Variants in PKHD1 observed in about 807,000 individuals in gnomAD.
PKHD1 encodes fibrocystin.
PKHD1 carries 291 observed loss-of-function variants against 412.0 expected under a neutral mutation model. The ratio of observed to expected loss-of-function variants is 0.71; its 90% CI spans 0.64 to 0.78. The LOEUF (loss-of-function observed/expected upper bound fraction) is 0.78, where lower values mean the gene tolerates loss of function less well. PKHD1 is among the 30% of genes least tolerant of loss of function. The pLI, the probability that PKHD1 is intolerant of heterozygous loss-of-function variation, is 0.00. For missense variants in PKHD1, 4,825 were observed against 4,950.7 expected (o/e 0.97, Z 0.76); for synonymous variants, 1,777 against 1,821.5 (o/e 0.98, Z 0.62).
intron 43 of PKHD1, among the ~76,000 whole-genome samples, chr6:51,889,840 T>A (rs191433339): frequency 5.9e-4 from 90 of 152,220 alleles, no homozygotes; most frequent in African/African-American, 2.1e-3. Flanking sequence ...CTGGTGAAGT[T>A]TTTTGCCATG....
chr6:51,872,711 C>G (rs1776166145), intron 46 of PKHD1, among the ~76,000 whole-genome samples: 1 of 151,960 alleles, frequency 6.6e-6, no homozygotes, highest in Admixed American at 6.6e-5. Context: ...ATCTGAGTAT[C>G]TTAAAACTAT....
At chr6:51,732,991 C>G (rs1435066813) in intron 60 of PKHD1, among the ~76,000 whole-genome samples, 1 of 152,022 alleles carries the variant, frequency 6.6e-6, no homozygotes, top group Non-Finnish European at 1.5e-5. Context: ...GAACATTATG[C>G]TAAAAGAAAT....
chr6:51,699,490 C>A (rs906279389), intron 60 of PKHD1, among the ~76,000 whole-genome samples: 2 of 152,090 alleles, frequency 1.3e-5, no homozygotes, highest in Non-Finnish European at 2.9e-5. Flanking sequence ...TGGGTTGTTT[C>A]CAGTTTTTGA....
At chr6:51,844,974 T>C (rs1181648078) in intron 50 of PKHD1, among the ~76,000 whole-genome samples, 1 of 152,232 alleles carries the variant, frequency 6.6e-6, no homozygotes, top group Non-Finnish European at 1.5e-5. Flanking sequence ...TTACACCATC[T>C]GCATAGATTA....
At chr6:51,640,410 G>C (rs976389775) in intron 63 of PKHD1, among the ~76,000 whole-genome samples, 5 of 152,192 alleles carry the variant, frequency 3.3e-5, no homozygotes, top group Non-Finnish European at 7.3e-5. Flanking sequence ...GATATTCTCA[G>C]ATTTGAAGCA....
chr6:52,030,963 C>T (rs549931775), intron 29 of PKHD1, among the ~76,000 whole-genome samples: 1 of 152,120 alleles, frequency 6.6e-6, no homozygotes, highest in East Asian at 1.9e-4. Context: ...GCTAATGGAT[C>T]CTGGGGTGCC....
chr6:52,002,273 A>G (rs1798496518), intron 35 of PKHD1, among the ~76,000 whole-genome samples: 1 of 152,230 alleles, frequency 6.6e-6, no homozygotes, highest in Admixed American at 6.5e-5. Context: ...GTACCAATCA[A>G]TTGAAAGGTT....
chr6:51,895,958 A>G (rs1389464118), intron 43 of PKHD1, among the ~76,000 whole-genome samples: 9 of 152,032 alleles, frequency 5.9e-5, no homozygotes, highest in Non-Finnish European at 1.3e-4. Flanking sequence ...CGCTTTTCCG[A>G]CGGGCTTAAA....
At chr6:51,786,818 C>T (rs1056618897) in intron 53 of PKHD1, among the ~76,000 whole-genome samples, 4 of 152,130 alleles carry the variant, frequency 2.6e-5, no homozygotes, top group African/African-American at 9.7e-5. Context: ...ACATGGCAGA[C>T]GCTGAGTAAA....
At chr6:51,726,943 C>G (rs147904453) in intron 60 of PKHD1, among the ~76,000 whole-genome samples, 1 of 152,064 alleles carries the variant, frequency 6.6e-6, no homozygotes, top group African/African-American at 2.4e-5. Flanking sequence ...GGACTATAAA[C>G]CTTAGAAGCA....
At chr6:51,707,865 C>T (rs1403142015) in intron 60 of PKHD1, among the ~76,000 whole-genome samples, 1 of 152,262 alleles carries the variant, frequency 6.6e-6, no homozygotes, top group Non-Finnish European at 1.5e-5. Flanking sequence ...TCTAAAATTA[C>T]CCTGTATTCC....
chr6:51,931,150 T>C (rs555416519), intron 37 of PKHD1, among the ~76,000 whole-genome samples: 8 of 152,232 alleles, frequency 5.3e-5, no homozygotes, highest in African/African-American at 1.9e-4. Context: ...GAACCAGTGT[T>C]TCTCTGAGTA....
chr6:52,015,249 A>C (rs1295282980), intron 34 of PKHD1, among the ~76,000 whole-genome samples: 1 of 152,190 alleles, frequency 6.6e-6, no homozygotes, highest in African/African-American at 2.4e-5. Context: ...AACTTGTTTC[A>C]TTGCAAATTT....
At chr6:51,787,623 C>T (rs1431507614) in intron 53 of PKHD1, among the ~76,000 whole-genome samples, 2 of 152,088 alleles carry the variant, frequency 1.3e-5, no homozygotes, top group East Asian at 3.8e-4. Flanking sequence ...AATAACCTAC[C>T]TTTAGGCCTG....
intron 45 of PKHD1, 123 bp downstream of exon 45, chr6:51,885,744 G>A: frequency 1.4e-6 from 1 of 730,816 alleles, no homozygotes; most frequent in Non-Finnish European, 2.5e-6. Flanking sequence ...GCACAGCAAT[G>A]CTCCCCTCAA....
At chr6:51,943,248 T>C (rs1318804724) in intron 36 of PKHD1, among the ~76,000 whole-genome samples, 1 of 151,444 alleles carries the variant, frequency 6.6e-6, no homozygotes, top group Non-Finnish European at 1.5e-5. Context: ...GACAATACTT[T>C]TACCACTTGC....
At chr6:51,896,056 G>T (rs892143502) in intron 43 of PKHD1, among the ~76,000 whole-genome samples, 1 of 152,198 alleles carries the variant, frequency 6.6e-6, no homozygotes, top group African/African-American at 2.4e-5. Context: ...ACAGCAGTCT[G>T]AGATCAAACT....
At chr6:52,081,017 TATG>T (rs1811951965) in intron 4 of PKHD1, among the ~76,000 whole-genome samples, 1 of 152,218 alleles carries the variant, frequency 6.6e-6, no homozygotes, top group Non-Finnish European at 1.5e-5. Context: ...TACATGTTTT[TATG>T]ATAATGATGA....
At chr6:51,977,707 A>G (rs1562036167) in intron 35 of PKHD1, among the ~76,000 whole-genome samples, 1 of 152,164 alleles carries the variant, frequency 6.6e-6, no homozygotes, top group East Asian at 1.9e-4. Context: ...AGATGAGTGG[A>G]GCTGCAAGAG....
Sources: allele counts gnomAD v4.1 joint callset (sites outside exome capture counted in the v4.1 genomes callset), GRCh38; gene constraint gnomAD v4.1.1; transcripts MANE v1.5; gene names NCBI Gene and HGNC (gene_info 2026-07-23, HGNC 2026-07-21).